ZNF75A: variants seen among roughly 807,000 people sequenced by gnomAD.
The protein encoded by ZNF75A is zinc finger protein 75A.
Under a neutral mutation model 46.3 loss-of-function variants are expected in ZNF75A, and 36 were observed. The ratio of observed to expected loss-of-function variants is 0.78; its 90% CI spans 0.60 to 1.03. ZNF75A has a LOEUF of 1.03. ZNF75A is among the 50% of genes least tolerant of loss of function. The probability of loss-of-function intolerance (pLI) is 0.00; values close to 1 mark genes in which losing one functional copy is unlikely to be tolerated. For synonymous variants in ZNF75A, 234 were observed against 189.9 expected (o/e 1.23, Z -1.91); for missense variants, 595 against 551.3 (o/e 1.08, Z -0.79).
intron 5 of ZNF75A, 176 bp from the exon 6 acceptor site, chr16:3,316,736 G>C: frequency 2.1e-6 from 1 of 475,184 alleles, no homozygotes. Context: ...GCTTTGCATA[G>C]CTACCTATAA....
At chr16:3,312,233 G>A (rs1960862648) in intron 3 of ZNF75A, 1 of 152,254 alleles carries the variant, frequency 6.6e-6, no homozygotes, top group Non-Finnish European at 1.5e-5. Context: ...GGAGTGGGAA[G>A]GCTTGGGGCC....
At chr16:3,314,814 T>C (rs775972922) in intron 5 of ZNF75A, 26 of 985,420 alleles carry the variant, frequency 2.6e-5, no homozygotes, top group Non-Finnish European at 3.0e-5. Flanking sequence ...TGGATTACAC[T>C]CAGAAGGCCC....
chr16:3,322,135 C>T (rs1010227233), downstream of ZNF75A, among the ~76,000 whole-genome samples: 3 of 152,172 alleles, frequency 2.0e-5, no homozygotes, highest in Non-Finnish European at 2.9e-5. Context: ...TCTCTGTGGA[C>T]TGAATTCTCT....
rs1199978557 is a variant in ZNF75A, at chr16:3,318,761, G to A, written c.*892G>A. 7 of 985,338 alleles carry A rather than the reference G, an allele frequency of 7.1e-6. No homozygotes were observed. The highest frequency in any genetic ancestry group is 8.4e-6 in the Non-Finnish European group (7 of 829,954). 61.0% of individuals were successfully genotyped at this position (985,338 alleles called of 1,614,324 possible). The stretch of plus-strand genomic sequence containing the variant: ...CCATGGGAGTTGGAGTGTGTGTGCT[G>A]CAGGCAGGATCCTGTGGCTCATTTG... On this transcript the variant is annotated 3_prime_UTR_variant, in exon 7 of 7. Coordinates refer to ENST00000669516, the MANE Select transcript of ZNF75A (RefSeq NM_001302109.2).
chr16:3,318,206 T>C lies in ZNF75A; in HGVS notation c.*337T>C, dbSNP rs1053789244. 2 of 1,025,200 alleles carry C rather than the reference T, an allele frequency of 2.0e-6. No homozygotes were observed. Among genetic ancestry groups the C allele is most frequent in the African/African-American group, 1.7e-5 (1 of 58,728 alleles). The allele number at this position is 1,025,200 out of a possible 1,614,324, so 63.5% of individuals were successfully genotyped here. On this transcript the variant is annotated 3_prime_UTR_variant, in exon 7 of 7. Coordinates refer to ENST00000669516, the MANE Select transcript of ZNF75A (RefSeq NM_001302109.2). ...TCTTCACAGTAGCAGGCTTACCAAT[T>C]TCCATAGTCTCATGAGGCCGAAATG... is the stretch of plus-strand genomic sequence containing the variant.
chr16:3,317,584 A>C lies in ZNF75A; in HGVS notation c.1329A>C (p.Ser443=), dbSNP rs564539644. Reference sequence around the variant, plus strand: ...GTGATAAGAGGTTTAGATGGAGTTCAGATCTTAATAAGCACTTAACAACAC... The same window carrying C: ...GTGATAAGAGGTTTAGATGGAGTTCCGATCTTAATAAGCACTTAACAACAC... ...QQCDKRFRWS[S]DLNKHLTTHQ... is the part of the protein sequence containing the mutation. Residue 443 remains serine, a synonymous_variant, in exon 7 of 7, where the codon TCA becomes TCC. Coordinates refer to ENST00000669516, the MANE Select transcript of ZNF75A (RefSeq NM_001302109.2). The C allele has an allele frequency of 1.9e-6, 3 of 1,614,200 alleles. No homozygotes were observed. The highest frequency in any genetic ancestry group is 2.5e-6 in the Non-Finnish European group (3 of 1,180,028).
intron 5 of ZNF75A, 164 bp from the exon 6 acceptor site, chr16:3,316,748 T>C (rs1265750465): frequency 1.8e-6 from 1 of 553,594 alleles, no homozygotes; most frequent in Non-Finnish European, 3.2e-6. Flanking sequence ...TACCTATAAG[T>C]ATAACATAGT....
chr16:3,309,874 C>T (rs377643263), intron 2 of ZNF75A, among the ~76,000 whole-genome samples: 3 of 149,886 alleles, frequency 2.0e-5, no homozygotes, highest in Non-Finnish European at 3.0e-5. Flanking sequence ...TAGGGGGTCG[C>T]GGTGGGAGGA....
chr16:3,320,512 A>T (rs1422077793), downstream of ZNF75A, among the ~76,000 whole-genome samples: 4 of 152,194 alleles, frequency 2.6e-5, no homozygotes, highest in Non-Finnish European at 4.4e-5. Context: ...GGGACCACTT[A>T]AGACCTCCCA....
intron 2 of ZNF75A, chr16:3,310,835 C>G (rs762538608): frequency 1.3e-4 from 126 of 985,400 alleles, no homozygotes; most frequent in Non-Finnish European, 1.5e-4. Flanking sequence ...GCTCTGCTGA[C>G]AAGTTGGGAG....
chr16:3,308,651 C>G lies in ZNF75A; in HGVS notation c.223C>G (p.Leu75Val). Reference protein sequence around the residue: ...AVSKLQELCHLWLKPEIHSKE... With the variant: ...AVSKLQELCHVWLKPEIHSKE... ...CAGCAAACTTCAAGAATTATGTCAT[C>G]TATGGCTGAAGCCAGAGATCCACTC... Residue 75 changes from leucine to valine, a missense_variant, in exon 2 of 7, where the codon CTA (leucine) becomes GTA (valine). Physicochemically the swap from Leu to Val is conservative, Grantham distance 32. Transcript: ENST00000669516. 1.0e-6 allele frequency: 1 copy of G among 987,848 alleles called. No individual in the cohort carries two copies. Among genetic ancestry groups the G allele is most frequent in the Non-Finnish European group, 1.2e-6 (1 of 830,516 alleles). 61.2% of individuals were successfully genotyped at this position (987,848 alleles called of 1,614,324 possible).
intron 2 of ZNF75A, chr16:3,310,640 CAAACAA>C (rs1960694036): frequency 2.0e-6 from 2 of 980,340 alleles, no homozygotes; most frequent in African/African-American, 3.7e-5. Flanking sequence ...ACAAAACAAA[CAAACAA>C]AAAAAACAAC....
At chr16:3,309,995 T>G (rs535157389) in intron 2 of ZNF75A, among the ~76,000 whole-genome samples, 68 of 151,616 alleles carry the variant, frequency 4.5e-4, no homozygotes, top group Admixed American at 1.1e-3. Context: ...CACAAGAGGT[T>G]GAGGTGAGAG....
rs1960819929 is a variant in ZNF75A, at chr16:3,311,774, A to G, written c.430A>G (p.Lys144Glu). 2 of 1,050,534 alleles carry G rather than the reference A, an allele frequency of 1.9e-6. No individual in the cohort carries two copies. Among genetic ancestry groups the G allele is most frequent in the African/African-American group, 1.7e-5 (1 of 59,222 alleles). The allele number at this position is 1,050,534 out of a possible 1,614,324, so 65.1% of individuals were successfully genotyped here. The change falls in exon 3 of 7, where the codon AAG (lysine) becomes GAG (glutamate). Residue 144 changes from lysine to glutamate, a missense_variant. By Grantham distance (56) the Lys-to-Glu change is moderately conservative (BLOSUM62 1). Transcript: ENST00000669516. ...CTAGGTTGCAGTCCATGAGCTGGGAAAGGAGGCAGTGCTCTTGGGAGAAAC... is the reference window on the plus strand; with the variant it reads ...CTAGGTTGCAGTCCATGAGCTGGGAGAGGAGGCAGTGCTCTTGGGAGAAAC... ...WNGVAVHELG[K>E]EAVLLGETAE...
rs574585374 is a variant in ZNF75A, at chr16:3,313,513, A to C, written c.823+338A>C. ...TTTCCTTTATTCTGATCTTGTCATC[A>C]TACCCCACTGTTAATTCATTAGCAA... is the stretch of plus-strand genomic sequence containing the variant. On this transcript the variant is annotated intron_variant, in intron 5 of 6. Coordinates refer to ENST00000669516, the MANE Select transcript of ZNF75A (RefSeq NM_001302109.2). Among the ~76,000 whole-genome samples the C allele has an allele frequency of 3.3e-5, 5 of 152,296 alleles. No individual in the cohort carries two copies. In the East Asian group the frequency reaches 7.7e-4, roughly 24 times the overall value.
chr16:3,315,284 C>T lies in ZNF75A; in HGVS notation c.824-1628C>T, dbSNP rs562051758. The T allele has an allele frequency of 1.4e-3, 245 of 173,974 alleles. 1 individual carries two copies. Among genetic ancestry groups the T allele is most frequent in the Middle Eastern group, 5.7e-3 (2 of 350 alleles). The allele number at this position is 173,974 out of a possible 1,614,324, so 10.8% of individuals were successfully genotyped here. On this transcript the variant is annotated intron_variant, in intron 5 of 6. Transcript: ENST00000669516. Reference sequence around the variant, plus strand: ...TCAGCTCAGTGCAAGCTCTGCCTCCCGGGTTCATGCCATTCTCCTGCGTCA... The same window carrying T: ...TCAGCTCAGTGCAAGCTCTGCCTCCTGGGTTCATGCCATTCTCCTGCGTCA...
Position 3,308,800 on chromosome 16 carries a change from A to G in ZNF75A, c.372A>G (p.Glu124=). 1.2e-5 allele frequency: 12 copies of G among 986,244 alleles called. No individual in the cohort carries two copies. The highest frequency in any genetic ancestry group is 1.1e-5 in the Non-Finnish European group (9 of 830,106). The allele number at this position is 986,244 out of a possible 1,614,324, so 61.1% of individuals were successfully genotyped here. ...QSIEEAVALV[E]HLQRESGQTW... ...TTGAGGAGGCTGTGGCTCTGGTAGA[A>G]CACTTGCAGAGGGAATCTGGTCAAA... Residue 124 remains glutamate (E), a synonymous_variant, in exon 2 of 7, where the codon GAA becomes GAG. Coordinates refer to ENST00000669516, the MANE Select transcript of ZNF75A (RefSeq NM_001302109.2).
chr16:3,317,612 C>G lies in ZNF75A; in HGVS notation c.1357C>G (p.Gln453Glu), dbSNP rs76232983. ...SDLNKHLTTH[Q>E]GIKPYKCSWC... ...TCTTAATAAGCACTTAACAACACAC[C>G]AAGGAATAAAACCATATAAATGTTC... Residue 453 changes from glutamine (Q) to glutamate (E), a missense_variant, in exon 7 of 7, where the codon CAA (glutamine) becomes GAA (glutamate). Physicochemically the swap from Gln to Glu is conservative, Grantham distance 29 (BLOSUM62 2). Coordinates refer to ENST00000669516, the MANE Select transcript of ZNF75A (RefSeq NM_001302109.2). 299 of 1,614,078 alleles carry G rather than the reference C, an allele frequency of 1.9e-4. No homozygotes were observed. Among genetic ancestry groups the G allele is most frequent in the Non-Finnish European group, 2.4e-4 (280 of 1,180,010 alleles).
At chr16:3,307,789 A>T (rs1291746535) in intron 1 of ZNF75A, 1 of 151,510 alleles carries the variant, frequency 6.6e-6, no homozygotes, top group African/African-American at 2.4e-5. Flanking sequence ...CTCGGTCTCC[A>T]AAAGTGCTGG....
Sources: allele counts gnomAD v4.1 joint callset (sites outside exome capture counted in the v4.1 genomes callset), GRCh38; gene constraint gnomAD v4.1.1; transcripts MANE v1.5; gene names NCBI Gene and HGNC (gene_info 2026-07-23, HGNC 2026-07-21).